The following IGF1R variants were observed in gnomAD, a reference collection of about 807,000 sequenced individuals.
IGF1R encodes the protein insulin like growth factor 1 receptor, also known as insulin-like growth factor 1 receptor.
IGF1R carries 44 observed loss-of-function variants against 144.6 expected under a neutral mutation model. That is an observed-to-expected ratio of 0.30 (90% CI 0.24 to 0.39). IGF1R has a LOEUF of 0.39. IGF1R is among the 10% of genes least tolerant of loss of function. The probability of loss-of-function intolerance (pLI) is 1.00; values close to 1 mark genes in which losing one functional copy is unlikely to be tolerated. For missense variants in IGF1R, 1,355 were observed against 1,833.7 expected (o/e 0.74, Z 4.77); for synonymous variants, 795 against 722.8 (o/e 1.10, Z -1.60).
In IGF1R at chr15:98,959,840, T is replaced by C. The variant is rs2017153009; in HGVS notation, c.*2398T>C. The C allele has an allele frequency of 4.8e-6, 1 of 209,950 alleles. No homozygotes were observed. Among genetic ancestry groups the C allele is most frequent in the South Asian group, 2.4e-4 (1 of 4,188 alleles). The allele number at this position is 209,950 out of a possible 1,614,324, so 13.0% of individuals were successfully genotyped here. On this transcript the variant is annotated 3_prime_UTR_variant, in exon 21 of 21. Coordinates refer to ENST00000650285, the MANE Select transcript of IGF1R (RefSeq NM_000875.5). ...ACTGCTTTCTCTAGTCTCTATCCCA[T>C]AGCGTGTTCCCTTTAAAAAAAAAAA... is the stretch of plus-strand genomic sequence containing the variant.
chr15:98,696,051 C>G (rs1216187275), intron 1 of IGF1R, among the ~76,000 whole-genome samples: 3 of 146,034 alleles, frequency 2.1e-5, no homozygotes, highest in Non-Finnish European at 4.5e-5. Context: ...TTTTGGCAGC[C>G]ACAACATCAC....
At chr15:98,686,163 A>G (rs1387737167) in intron 1 of IGF1R, among the ~76,000 whole-genome samples, 2 of 152,250 alleles carry the variant, frequency 1.3e-5, no homozygotes, top group Admixed American at 6.5e-5. Flanking sequence ...GGCCCATTTT[A>G]TGAGCATAAT....
chr15:98,817,802 C>T (rs1009843408), intron 2 of IGF1R, among the ~76,000 whole-genome samples: 2 of 152,172 alleles, frequency 1.3e-5, no homozygotes, highest in Non-Finnish European at 2.9e-5. Flanking sequence ...GGGGAGATCC[C>T]TTTCTCCTTT....
chr15:98,792,515 A>G (rs778586333), intron 2 of IGF1R, among the ~76,000 whole-genome samples: 1 of 152,204 alleles, frequency 6.6e-6, no homozygotes, highest in Non-Finnish European at 1.5e-5. Context: ...AATCAAAACC[A>G]TGAATCTGTG....
At chr15:98,923,491 C>T (rs2015577411) in intron 11 of IGF1R, among the ~76,000 whole-genome samples, 1 of 152,242 alleles carries the variant, frequency 6.6e-6, no homozygotes, top group African/African-American at 2.4e-5. Context: ...TTGATGGCTT[C>T]ACAAAGCTTT....
At chr15:98,853,897 C>G (rs1235918462) in intron 2 of IGF1R, among the ~76,000 whole-genome samples, 1 of 152,144 alleles carries the variant, frequency 6.6e-6, no homozygotes, top group Non-Finnish European at 1.5e-5. Flanking sequence ...AGAGCAGCCT[C>G]CAGACCTACT....
At chr15:98,703,672 A>G (rs1024459152) in intron 1 of IGF1R, among the ~76,000 whole-genome samples, 5 of 152,244 alleles carry the variant, frequency 3.3e-5, no homozygotes, top group Admixed American at 1.3e-4. Context: ...GGAAATTCAC[A>G]GTTCCAGCTC....
At chr15:98,914,802 TC>T (rs2015173045) in intron 8 of IGF1R, among the ~76,000 whole-genome samples, 1 of 152,182 alleles carries the variant, frequency 6.6e-6, no homozygotes, top group African/African-American at 2.4e-5. Flanking sequence ...GAGAACTTGG[TC>T]CTCTGCCTCT....
At chr15:98,729,488 T>C (rs936403149) in intron 2 of IGF1R, among the ~76,000 whole-genome samples, 1 of 152,170 alleles carries the variant, frequency 6.6e-6, no homozygotes, top group African/African-American at 2.4e-5. Context: ...TCAGTAGGTG[T>C]TATCTGGACA....
intron 2 of IGF1R, among the ~76,000 whole-genome samples, chr15:98,832,551 C>G (rs1293327311): frequency 6.6e-6 from 1 of 152,174 alleles, no homozygotes; most frequent in Non-Finnish European, 1.5e-5. Flanking sequence ...TAATGATAAT[C>G]CTTTTACAGA....
At chr15:98,938,119 C>G (rs1020693334) in intron 17 of IGF1R, among the ~76,000 whole-genome samples, 1 of 152,234 alleles carries the variant, frequency 6.6e-6, no homozygotes, top group African/African-American at 2.4e-5. Flanking sequence ...AGGGCAGCAG[C>G]CAGCATCCAC....
intron 1 of IGF1R, among the ~76,000 whole-genome samples, chr15:98,705,077 G>T (rs1398201970): frequency 6.6e-6 from 1 of 152,114 alleles, no homozygotes; most frequent in Non-Finnish European, 1.5e-5. Flanking sequence ...AAAGAGTCTG[G>T]GCCAGTGACA....
intron 2 of IGF1R, among the ~76,000 whole-genome samples, chr15:98,761,543 GCCAGAGC>G (rs2055295362): frequency 6.6e-6 from 1 of 152,218 alleles, no homozygotes; most frequent in South Asian, 2.1e-4. Flanking sequence ...GGTTGAGTCT[GCCAGAGC>G]CCTGTGTGCA....
intron 1 of IGF1R, among the ~76,000 whole-genome samples, chr15:98,651,552 T>G (rs2052367881): frequency 6.6e-6 from 1 of 152,240 alleles, no homozygotes; most frequent in Admixed American, 6.5e-5. Flanking sequence ...TTCTCTAGTT[T>G]TGTGTTTTTA....
At chr15:98,774,265 C>T (rs959987239) in intron 2 of IGF1R, among the ~76,000 whole-genome samples, 1 of 152,154 alleles carries the variant, frequency 6.6e-6, no homozygotes, top group Non-Finnish European at 1.5e-5. Context: ...CATCTCAGAT[C>T]CCTTGTGATT....
At position 98,957,566 on chromosome 15, in the gene IGF1R, C is replaced by T. The variant is rs1438545903; in HGVS notation, c.*124C>T. On this transcript the variant is annotated 3_prime_UTR_variant, in exon 21 of 21. Transcript: ENST00000650285. ...TACCTCAGTGGATCTTCAGAACTGC[C>T]CTTGCTGCCCGCGGGAGACAGCTTC... The T allele has an allele frequency of 1.1e-5, 14 of 1,237,636 alleles. No individual in the cohort carries two copies. The African/African-American group carries it at 1.8e-4, about 16-fold the overall frequency. The allele number at this position is 1,237,636 out of a possible 1,614,324, so 76.7% of individuals were successfully genotyped here. A position where few individuals can be genotyped will look rare whatever the true frequency, so the allele number is the denominator to read the frequency against.
At chr15:98,750,578 C>T (rs1280071325) in intron 2 of IGF1R, among the ~76,000 whole-genome samples, 4 of 152,134 alleles carry the variant, frequency 2.6e-5, no homozygotes, top group Non-Finnish European at 5.9e-5. Context: ...AATCCCAGCT[C>T]CTCAGGAGGC....
chr15:98,914,442 G>T (rs189565505), intron 8 of IGF1R, among the ~76,000 whole-genome samples: 2 of 152,270 alleles, frequency 1.3e-5, no homozygotes, highest in East Asian at 3.9e-4. Context: ...TGCTGTGCAC[G>T]CCTGCTCCTT....
intron 2 of IGF1R, among the ~76,000 whole-genome samples, chr15:98,718,886 C>T (rs575379617): frequency 1.3e-5 from 2 of 150,360 alleles, no homozygotes; most frequent in Non-Finnish European, 3.0e-5. Flanking sequence ...AGTTGTAATG[C>T]AGAGACAAAT....
Sources: allele counts gnomAD v4.1 joint callset (sites outside exome capture counted in the v4.1 genomes callset), GRCh38; gene constraint gnomAD v4.1.1; transcripts MANE v1.5; gene names NCBI Gene and HGNC (gene_info 2026-07-23, HGNC 2026-07-21).